The following CTNND2 variants were observed in gnomAD, a reference collection of about 807,000 sequenced individuals.
CTNND2 encodes catenin delta 2.
Under a neutral mutation model 144.4 loss-of-function variants are expected in CTNND2, and 22 were observed. The ratio of observed to expected loss-of-function variants is 0.15; its 90% confidence interval spans 0.11 to 0.22. CTNND2 has a LOEUF of 0.22. CTNND2 is among the 10% of genes least tolerant of loss of function. The probability of loss-of-function intolerance (pLI) is 1.00; values close to 1 mark genes in which losing one functional copy is unlikely to be tolerated. For synonymous variants in CTNND2, 751 were observed against 695.6 expected, an observed-to-expected ratio of 1.08 and a Z score of -1.25; for missense variants, 1,353 against 1,618.8, an observed-to-expected ratio of 0.84 and a Z score of 2.82.
At chr5:11,562,280 G>A (rs2150103066) in intron 3 of CTNND2, among the ~76,000 whole-genome samples, 1 of 152,036 alleles carries the variant, frequency 6.6e-6, no homozygotes, top group East Asian at 1.9e-4. Flanking sequence ...TTTTAAAATA[G>A]CCCTCTTTTT....
At chr5:11,445,776 T>A (rs76162759) in intron 3 of CTNND2, among the ~76,000 whole-genome samples, 2,388 of 152,314 alleles carry the variant, frequency 0.016, 60 homozygotes, top group African/African-American at 0.054. Context: ...GTATTCTACA[T>A]CACATGTGGA....
intron 9 of CTNND2, among the ~76,000 whole-genome samples, chr5:11,256,271 G>A (rs916793985): frequency 3.3e-5 from 5 of 152,242 alleles, no homozygotes; most frequent in Admixed American, 2.6e-4. Context: ...TGTTGACATA[G>A]ATACATAAAA....
At chr5:11,282,102 T>C (rs944238041) in intron 9 of CTNND2, among the ~76,000 whole-genome samples, 1 of 152,062 alleles carries the variant, frequency 6.6e-6, no homozygotes, top group African/African-American at 2.4e-5. Context: ...CTCACGGTGG[T>C]TCGCTACCAT....
chr5:11,088,339 A>G (rs943396853), intron 15 of CTNND2, among the ~76,000 whole-genome samples: 29 of 152,258 alleles, frequency 1.9e-4, no homozygotes, highest in African/African-American at 6.5e-4. Flanking sequence ...TCACACTACT[A>G]CCCTCTAAAC....
intron 1 of CTNND2, among the ~76,000 whole-genome samples, chr5:11,809,787 C>A (rs1341863115): frequency 3.3e-5 from 5 of 152,196 alleles, no homozygotes; most frequent in Non-Finnish European, 7.3e-5. Context: ...TTGTCAAATG[C>A]ATGGTGCAGC....
intron 1 of CTNND2, among the ~76,000 whole-genome samples, chr5:11,735,643 G>GC (rs1403739162): frequency 2.6e-5 from 4 of 152,252 alleles, no homozygotes; most frequent in Admixed American, 6.5e-5. Context: ...GGCAGGTTTT[G>GC]CCCATGCTGT....
chr5:11,643,769 C>CA (rs1481418357), intron 2 of CTNND2, among the ~76,000 whole-genome samples: 1 of 151,694 alleles, frequency 6.6e-6, no homozygotes, highest in African/African-American at 2.4e-5. Context: ...TATTTTTTCC[C>CA]AAAAAAATGC....
intron 2 of CTNND2, among the ~76,000 whole-genome samples, chr5:11,713,889 G>A (rs1339783197): frequency 6.6e-6 from 1 of 152,006 alleles, no homozygotes; most frequent in Non-Finnish European, 1.5e-5. Context: ...AAGGCTTCTG[G>A]ACCTACCGTT....
chr5:11,705,923 A>G (rs1785670127), intron 2 of CTNND2, among the ~76,000 whole-genome samples: 1 of 152,210 alleles, frequency 6.6e-6, no homozygotes, highest in African/African-American at 2.4e-5. Flanking sequence ...TCTTGGGAAT[A>G]GACTCACTCT....
intron 15 of CTNND2, among the ~76,000 whole-genome samples, chr5:11,092,708 A>G (rs1489059750): frequency 6.6e-6 from 1 of 152,250 alleles, no homozygotes; most frequent in African/African-American, 2.4e-5. Context: ...TTGATGAGGC[A>G]CGATGCTTCG....
At chr5:11,012,673 C>T (rs1741212365) in intron 18 of CTNND2, among the ~76,000 whole-genome samples, 1 of 152,210 alleles carries the variant, frequency 6.6e-6, no homozygotes, top group African/African-American at 2.4e-5. Context: ...GGTCATGCTG[C>T]TGGTAAGTGG....
At chr5:11,474,365 A>G (rs1167837104) in intron 3 of CTNND2, among the ~76,000 whole-genome samples, 1 of 152,236 alleles carries the variant, frequency 6.6e-6, no homozygotes, top group African/African-American at 2.4e-5. Flanking sequence ...GGGGCAACAG[A>G]AAAGCACTTA....
At chr5:11,285,487 A>G (rs773436265) in intron 9 of CTNND2, among the ~76,000 whole-genome samples, 10 of 152,236 alleles carry the variant, frequency 6.6e-5, no homozygotes, top group Admixed American at 1.3e-4. Context: ...AGACTAGAGG[A>G]TAAACACAAA....
intron 1 of CTNND2, among the ~76,000 whole-genome samples, chr5:11,819,730 A>G (rs1456220380): frequency 6.6e-6 from 1 of 152,110 alleles, no homozygotes; most frequent in African/African-American, 2.4e-5. Context: ...GGACATGGAA[A>G]TACTCTTGGC....
intron 15 of CTNND2, among the ~76,000 whole-genome samples, chr5:11,094,500 A>C (rs1271850891): frequency 3.3e-5 from 3 of 90,346 alleles, no homozygotes; most frequent in Non-Finnish European, 4.5e-5. Context: ...TTTTTTTTTG[A>C]GATGGAGTCT....
At chr5:11,537,380 T>G (rs1197269886) in intron 3 of CTNND2, among the ~76,000 whole-genome samples, 1 of 152,160 alleles carries the variant, frequency 6.6e-6, no homozygotes, top group Admixed American at 6.6e-5. Flanking sequence ...GTTGAACTTA[T>G]CCTTTTTGTT....
At chr5:11,363,149 T>G (rs1246042616) in intron 8 of CTNND2, among the ~76,000 whole-genome samples, 2 of 152,234 alleles carry the variant, frequency 1.3e-5, no homozygotes, top group Non-Finnish European at 2.9e-5. Flanking sequence ...TGTTTGCTGA[T>G]GCAGACTCAG....
At chr5:11,425,723 T>G (rs1762722244) in intron 3 of CTNND2, among the ~76,000 whole-genome samples, 1 of 152,226 alleles carries the variant, frequency 6.6e-6, no homozygotes, top group African/African-American at 2.4e-5. Flanking sequence ...CCCACTCCCC[T>G]TAACTGCCTT....
chr5:11,361,583 G>T (rs549358152), intron 8 of CTNND2, among the ~76,000 whole-genome samples: 1 of 152,106 alleles, frequency 6.6e-6, no homozygotes, highest in South Asian at 2.1e-4. Flanking sequence ...CTCCTTCCAA[G>T]GATTGTTCTG....
Sources: gnomAD v4.1 joint callset for allele counts (sites outside exome capture counted in the v4.1 genomes callset) on GRCh38, gnomAD v4.1.1 for gene constraint, MANE v1.5 for transcripts, NCBI Gene and HGNC (gene_info 2026-07-23, HGNC 2026-07-21) for gene names.